The following PTPRJ variants were observed in gnomAD, a reference collection of about 807,000 sequenced individuals.
PTPRJ encodes receptor-type tyrosine-protein phosphatase eta.
PTPRJ carries 129 observed loss-of-function variants against 141.3 expected under a neutral mutation model. The observed-to-expected ratio is 0.91, with a 90% CI of 0.79 to 1.06. The LOEUF (loss-of-function observed/expected upper bound fraction) is 1.06. PTPRJ is among the 50% of genes least tolerant of loss of function. PTPRJ has a pLI of 0.00. For missense variants in PTPRJ, 1,601 were observed against 1,679.7 expected (o/e 0.95, Z 0.82); for synonymous variants, 610 against 640.5 (o/e 0.95, Z 0.72).
chr11:48,060,131 G>T (rs1854879427), intron 1 of PTPRJ, among the ~76,000 whole-genome samples: 1 of 152,166 alleles, frequency 6.6e-6, no homozygotes. Flanking sequence ...CGAAAGTGAA[G>T]ATATGCCTAT....
rs1250875722 is a variant in PTPRJ at position 48,163,538 on chromosome 11, C to G, written c.3639C>G (p.Asp1213Glu). The G allele has an allele frequency of 6.2e-7, 1 of 1,613,932 alleles. No individual in the cohort carries two copies. Among genetic ancestry groups the G allele is most frequent in the Non-Finnish European group, 8.5e-7 (1 of 1,179,774 alleles). ...ACCACGGTGTTCCCGACACCACTGA[C>G]CTGCTCATCAACTTCCGGTACCTCG... ...WPDHGVPDTT[D>E]LLINFRYLVR... is the part of the protein sequence containing the mutation. Residue 1213 changes from aspartate (D) to glutamate (E), a missense_variant, in exon 23 of 25, where the codon GAC becomes GAG. Transcript: ENST00000418331.
chr11:48,147,851 G>GTTT (rs780495053), intron 15 of PTPRJ, among the ~76,000 whole-genome samples: 1 of 145,318 alleles, frequency 6.9e-6, no homozygotes, highest in African/African-American at 2.5e-5. Context: ...GTTAGGTTCT[G>GTTT]TTTTTTTTTT....
rs561061051 is a variant in PTPRJ, at chr11:48,127,978, A to G, written c.1292A>G (p.Asn431Ser). 8.1e-6 allele frequency: 13 copies of G among 1,614,096 alleles called. No homozygotes were observed. Among genetic ancestry groups the G allele is most frequent in the African/African-American group, 4.0e-5 (3 of 75,008 alleles). Residue 431 changes from asparagine to serine, a missense_variant, in exon 7 of 25, where the codon AAC becomes AGC. By Grantham distance (46) the Asn-to-Ser change is conservative (BLOSUM62 1). Transcript: ENST00000418331. ...GGACTCCGCTCCAGCACCTTCTACA[A>G]CATCACAGTGTGTCCTGTCCTAGGT... The part of the protein sequence containing the change: ...IPGLRSSTFY[N>S]ITVCPVLGDI...
At chr11:48,009,362 G>A (rs1270072271) in intron 1 of PTPRJ, among the ~76,000 whole-genome samples, 1 of 152,218 alleles carries the variant, frequency 6.6e-6, no homozygotes, top group African/African-American at 2.4e-5. Context: ...TTGGGAGGCC[G>A]AGGCAGGTGG....
At chr11:47,993,132 A>G (rs1212077127) in intron 1 of PTPRJ, among the ~76,000 whole-genome samples, 1 of 152,174 alleles carries the variant, frequency 6.6e-6, no homozygotes, top group African/African-American at 2.4e-5. Flanking sequence ...CAGGAAGGGA[A>G]GTGGGCCGAC....
intron 2 of PTPRJ, among the ~76,000 whole-genome samples, chr11:48,112,334 A>G (rs1236532695): frequency 1.3e-5 from 2 of 152,152 alleles, no homozygotes; most frequent in Non-Finnish European, 2.9e-5. Context: ...ATGAAGGGAA[A>G]ATGGGGGAAT....
intron 1 of PTPRJ, among the ~76,000 whole-genome samples, chr11:48,023,783 A>AAAATAAATAAAT (rs151301730): frequency 6.7e-6 from 1 of 149,092 alleles, no homozygotes; most frequent in Non-Finnish European, 1.5e-5. Flanking sequence ...CTCGGACTCA[A>AAAATAAATAAAT]AAATAAATAA....
chr11:48,117,540 CAAAAAAAAAAAAAA>C (rs71045545), intron 3 of PTPRJ, among the ~76,000 whole-genome samples: 5 of 19,694 alleles, frequency 2.5e-4, no homozygotes, highest in African/African-American at 2.4e-4. Flanking sequence ...GATTCTGTCT[CAAAAAAAAAAAAAA>C]AAAAAAAAAA....
chr11:47,996,458 A>G (rs1854340427), intron 1 of PTPRJ, among the ~76,000 whole-genome samples: 1 of 151,984 alleles, frequency 6.6e-6, no homozygotes, highest in South Asian at 2.1e-4. Context: ...CTGCACAGGG[A>G]CTTGAGCCTC....
In PTPRJ at chr11:48,142,921, C is replaced by T. The variant is rs1352567280; in HGVS notation, c.2446C>T (p.Pro816Ser). Reference sequence around the variant, plus strand: ...TGTTTTGTTTTGTTTTGTTTTAGATCCCCCTCCTCCAGATGGATCCCCTAA... The same window carrying T: ...TGTTTTGTTTTGTTTTGTTTTAGATTCCCCTCCTCCAGATGGATCCCCTAA... ...RNTCTTGITD[P>S]PPPDGSPNIT... Residue 816 changes from proline to serine, a missense_variant and splice_region_variant, in exon 12 of 25, where the codon CCC (proline) becomes TCC (serine). Physicochemically the swap from Pro to Ser is moderately conservative, Grantham distance 74. Coordinates refer to ENST00000418331, the MANE Select transcript of PTPRJ (RefSeq NM_002843.4). 8.1e-6 allele frequency: 13 copies of T among 1,612,842 alleles called. No individual in the cohort carries two copies. Among genetic ancestry groups the T allele is most frequent in the Non-Finnish European group, 1.1e-5 (13 of 1,179,368 alleles).
Position 48,137,120 on chromosome 11 carries a change from C to G in PTPRJ, c.1991C>G (p.Ala664Gly). 6.2e-7 allele frequency: 1 copy of G among 1,611,774 alleles called. No homozygotes were observed. Among genetic ancestry groups the G allele is most frequent in the South Asian group, 1.1e-5 (1 of 91,050 alleles). The change falls in exon 10 of 25, where the codon GCT becomes GGT. Residue 664 changes from alanine to glycine, a missense_variant. Ala to Gly is a moderately conservative substitution (Grantham distance 60). Coordinates refer to ENST00000418331, the MANE Select transcript of PTPRJ (RefSeq NM_002843.4). ...TCCTACTGCCTTCTTATTGAGAAGG[C>G]TGGAAATTCCAGCAACGCAACACAA... ...TYSYCLLIEK[A>G]GNSSNATQVV...
intron 18 of PTPRJ, 99 bp from the exon 19 acceptor site, chr11:48,153,697 T>C: frequency 1.3e-6 from 1 of 747,264 alleles, no homozygotes; most frequent in Non-Finnish European, 2.3e-6. Context: ...ACAACTTGTC[T>C]ATGGGACTGT....
At chr11:47,990,747 G>T (rs1466917129) in intron 1 of PTPRJ, among the ~76,000 whole-genome samples, 1 of 148,328 alleles carries the variant, frequency 6.7e-6, no homozygotes, top group African/African-American at 2.5e-5. Flanking sequence ...GTTCAGTGGC[G>T]CAATCTTGGC....
chr11:48,067,518 A>C (rs1347483547), intron 1 of PTPRJ, among the ~76,000 whole-genome samples: 1 of 152,142 alleles, frequency 6.6e-6, no homozygotes, highest in Non-Finnish European at 1.5e-5. Flanking sequence ...TTTATTTGGA[A>C]ATTTGAAAGA....
At chr11:47,990,370 AT>A (rs1854157109) in intron 1 of PTPRJ, among the ~76,000 whole-genome samples, 1 of 152,226 alleles carries the variant, frequency 6.6e-6, no homozygotes, top group Admixed American at 6.5e-5. Context: ...GGCAAAGACC[AT>A]AATATTGTAA....
chr11:48,051,853 A>G (rs1854579675), intron 1 of PTPRJ, among the ~76,000 whole-genome samples: 1 of 152,170 alleles, frequency 6.6e-6, no homozygotes, highest in Admixed American at 6.5e-5. Context: ...ACTTTGAGCA[A>G]ATTACTTTAA....
intron 1 of PTPRJ, among the ~76,000 whole-genome samples, chr11:48,006,846 A>AT (rs1357988436): frequency 6.6e-6 from 1 of 152,072 alleles, no homozygotes; most frequent in Non-Finnish European, 1.5e-5. Flanking sequence ...CCCCTTTGGC[A>AT]TTGGTATCGT....
intron 1 of PTPRJ, among the ~76,000 whole-genome samples, chr11:48,102,249 G>A (rs886342073): frequency 1.3e-5 from 2 of 152,298 alleles, no homozygotes; most frequent in Non-Finnish European, 1.5e-5. Flanking sequence ...TGTCCTCAGC[G>A]TTGGGGTGAC....
intron 1 of PTPRJ, among the ~76,000 whole-genome samples, chr11:48,058,593 C>A (rs892393433): frequency 1.3e-5 from 2 of 152,098 alleles, no homozygotes; most frequent in Non-Finnish European, 2.9e-5. Flanking sequence ...TCAAAGCAAA[C>A]CCAGAACCTT....
Sources: gnomAD v4.1 joint callset for allele counts (sites outside exome capture counted in the v4.1 genomes callset) on GRCh38, gnomAD v4.1.1 for gene constraint, MANE v1.5 for transcripts, NCBI Gene and HGNC (gene_info 2026-07-23, HGNC 2026-07-21) for gene names.